The following PHEX variants were observed in gnomAD, a reference collection of about 807,000 sequenced individuals.
The protein encoded by PHEX is phosphate regulating endopeptidase X-linked.
A neutral mutation model predicts 68.0 loss-of-function variants in PHEX; 16 were observed. The ratio of observed to expected loss-of-function variants is 0.24; its 90% confidence interval spans 0.16 to 0.36. The LOEUF (loss-of-function observed/expected upper bound fraction) is 0.36. PHEX is among the 10% of genes least tolerant of loss of function. The pLI is 1.00. For synonymous variants in PHEX, 208 were observed against 205.1 expected (o/e 1.01, Z -0.12); for missense variants, 480 against 575.5 (o/e 0.83, Z 1.70).
intron 15 of PHEX, among the ~76,000 whole-genome samples, chrX:22,201,149 A>G (rs1041876672): frequency 9.0e-6 from 1 of 111,617 alleles, no homozygotes; most frequent in Non-Finnish European, 1.9e-5. Flanking sequence ...TGATGCACTT[A>G]GCAAGTCTGT....
intron 12 of PHEX, among the ~76,000 whole-genome samples, chrX:22,161,966 C>T (rs1021166466): frequency 2.7e-5 from 3 of 111,077 alleles, no homozygotes; most frequent in Non-Finnish European, 5.7e-5. Context: ...AACTAGGGTA[C>T]GATGGTATTG....
chrX:22,034,372 C>T lies in PHEX; in HGVS notation c.118+1249C>T, dbSNP rs763631349. Among the ~76,000 whole-genome samples the T allele has an allele frequency of 5.3e-5, 6 of 112,228 alleles. No homozygotes were observed. In the South Asian group the frequency reaches 1.5e-3, roughly 27 times the overall value. On this transcript the variant is annotated intron_variant, in intron 1 of 21. Coordinates refer to ENST00000379374, the MANE Select transcript of PHEX (RefSeq NM_000444.6). ...ATGTAAAAATATGTACTCTTTTTAA[C>T]GATATTACCACTGCACGAAACTTTT...
rs9331474 is a variant in PHEX, at chrX:22,182,592, T to TTGTGTG, written c.1586+4241_1586+4246dup. Among the ~76,000 whole-genome samples, 423 of 103,001 alleles carry TTGTGTG rather than the reference T, an allele frequency of 4.1e-3. 1 individual carries two copies. The highest frequency in any genetic ancestry group is 6.0e-3 in the Non-Finnish European group (299 of 49,900). The allele number at this position is 103,001 out of a possible 115,157, so 89.4% of individuals were successfully genotyped here. A position where few individuals can be genotyped will look rare whatever the true frequency, so the allele number is the denominator to read the frequency against. Reference sequence around the variant, plus strand: ...GGATTTTGGTTCTTATGAAGATGCTTTGTGTGTGTGTGTGTGTGTGTGTGT... The same window carrying TTGTGTG: ...GGATTTTGGTTCTTATGAAGATGCTTTGTGTGTGTGTGTGTGTGTGTGTGTGTGTGT... On this transcript the variant is annotated intron_variant, in intron 14 of 21. Transcript: ENST00000379374.
At chrX:22,227,264 A>G (rs1479844296) in intron 19 of PHEX, among the ~76,000 whole-genome samples, 1 of 112,537 alleles carries the variant, frequency 8.9e-6, no homozygotes, top group Non-Finnish European at 1.9e-5. Flanking sequence ...TTTTTCTCCA[A>G]GAGTTATTTA....
At chrX:22,100,262 A>T (rs59376319) in intron 9 of PHEX, among the ~76,000 whole-genome samples, 15,304 of 110,976 alleles carry the variant, frequency 0.14, 965 homozygotes, top group Admixed American at 0.2. Context: ...GCCCTCCTCC[A>T]TTGAGTCTGA....
intron 14 of PHEX, among the ~76,000 whole-genome samples, chrX:22,184,277 C>A (rs1933963987): frequency 9.1e-6 from 1 of 109,293 alleles, no homozygotes; most frequent in African/African-American, 3.3e-5. Flanking sequence ...CTGGCTGGAC[C>A]TTTTCAGGCA....
At chrX:22,078,150 A>C (rs992772309) in intron 5 of PHEX, among the ~76,000 whole-genome samples, 1 of 112,031 alleles carries the variant, frequency 8.9e-6, no homozygotes, top group Non-Finnish European at 1.9e-5. Flanking sequence ...TTAGTTATCA[A>C]CTTCACTCTG....
At chrX:22,173,053 CAG>C (rs917181419) in intron 13 of PHEX, 3 of 108,250 alleles carry the variant, frequency 2.8e-5, no homozygotes, top group African/African-American at 1.0e-4. Flanking sequence ...GTGTACATGA[CAG>C]AGAGTGCCAC....
Position 22,078,737 on chromosome X carries a change from T to C in PHEX, c.663+1035T>C, listed in dbSNP as rs4446855. ...GCAACTACTTAATTCTGCCATTGTG[T>C]CTGGGAAAGCAACTGCAGACAACAA... On this transcript the variant is annotated intron_variant, in intron 5 of 21. Transcript: ENST00000379374. Among the ~76,000 whole-genome samples the C allele has an allele frequency of 5.3e-3, 588 of 111,941 alleles. 4 individuals are homozygous for C. Among genetic ancestry groups the C allele is most frequent in the African/African-American group, 0.018 (554 of 30,799 alleles).
intron 9 of PHEX, among the ~76,000 whole-genome samples, chrX:22,102,922 TATAAAAATC>T: frequency 8.9e-6 from 1 of 112,204 alleles, no homozygotes; most frequent in East Asian, 2.8e-4. Flanking sequence ...AGAATCTGCC[TATAAAAATC>T]ATATACAGGT....
rs746223770 is a variant in PHEX at position 22,098,795 on chromosome X, CAAAAAA to C, written c.934-184_934-179del. Reference sequence around the variant, plus strand: ...CCTGGGTGATAGAGCGAGAATGTCTCAAAAAAAAAAAAAAAAAAAAAAAAAAAAAAA... The same window carrying C: ...CCTGGGTGATAGAGCGAGAATGTCTCAAAAAAAAAAAAAAAAAAAAAAAAA... On this transcript the variant is annotated intron_variant, in intron 8 of 21. Transcript: ENST00000379374. 3.1e-3 allele frequency among the ~76,000 whole-genome samples: 35 copies of C among 11,370 alleles called. 1 individual carries two copies. Among genetic ancestry groups the C allele is most frequent in the African/African-American group, 6.6e-3 (30 of 4,517 alleles). 9.9% of individuals were successfully genotyped at this position (11,370 alleles called of 115,157 possible).
At chrX:22,204,939 A>T (rs188274357) in intron 15 of PHEX, among the ~76,000 whole-genome samples, 167 of 111,681 alleles carry the variant, frequency 1.5e-3, no homozygotes, top group African/African-American at 5.3e-3. Flanking sequence ...AACTGTCACA[A>T]CTTGTACTGG....
At position 22,233,904 on chromosome X, in the gene PHEX, G is replaced by A. The variant is rs780905914; in HGVS notation, c.2070+6293G>A. On this transcript the variant is annotated intron_variant, in intron 20 of 21. Transcript: ENST00000379374. Reference sequence around the variant, plus strand: ...GAGGAGAGGAGGTATTTTGGTTTTTGTAACTTTTAGCCTCTTTGTGCTGGT... The same window carrying A: ...GAGGAGAGGAGGTATTTTGGTTTTTATAACTTTTAGCCTCTTTGTGCTGGT... 4.5e-5 allele frequency among the ~76,000 whole-genome samples: 5 copies of A among 112,132 alleles called. No individual in the cohort carries two copies. The South Asian group carries it at 1.9e-3, about 42-fold the overall frequency.
At chrX:22,080,729 AC>A (rs201132729) in intron 5 of PHEX, among the ~76,000 whole-genome samples, 26,803 of 109,864 alleles carry the variant, frequency 0.24, 2,546 homozygotes, top group Middle Eastern at 0.31. Flanking sequence ...TAAAAAACAA[AC>A]AAAAAAAATA....
At chrX:22,221,841 C>T (rs1935280875) in intron 18 of PHEX, 98 bp downstream of exon 18, 1 of 745,259 alleles carries the variant, frequency 1.3e-6, no homozygotes, top group Admixed American at 2.3e-5. Flanking sequence ...AGCGTGTTTA[C>T]AAGATCAACA....
chrX:22,077,774 G>A, intron 5 of PHEX, 72 bp downstream of exon 5: 1 of 721,379 alleles, frequency 1.4e-6, no homozygotes, highest in Non-Finnish European at 2.2e-6. Context: ...CCTGGGGAAA[G>A]AGACTCATGC....
chrX:22,120,994 T>G (rs1019048834), intron 11 of PHEX, among the ~76,000 whole-genome samples: 3 of 111,887 alleles, frequency 2.7e-5, no homozygotes, highest in Non-Finnish European at 5.6e-5. Flanking sequence ...CATGTCTTGG[T>G]TTGTTTCATT....
chrX:22,114,324 T>C, intron 10 of PHEX, 134 bp from the exon 11 acceptor site: 2 of 582,487 alleles, frequency 3.4e-6, no homozygotes, highest in Non-Finnish European at 5.9e-6. Context: ...TACCTTTGCC[T>C]CTACTATCTG....
chrX:22,229,254 C>G (rs1228244972), intron 20 of PHEX, among the ~76,000 whole-genome samples: 1 of 111,785 alleles, frequency 8.9e-6, no homozygotes, highest in Non-Finnish European at 1.9e-5. Context: ...TGGGTATATA[C>G]CCAGTAATGG....
Sources: allele counts gnomAD v4.1 joint callset (sites outside exome capture counted in the v4.1 genomes callset), GRCh38; gene constraint gnomAD v4.1.1; transcripts MANE v1.5; gene names NCBI Gene and HGNC (gene_info 2026-07-23, HGNC 2026-07-21).